Variants in JAKMIP3 observed in about 807,000 individuals in gnomAD.
JAKMIP3 encodes the protein Janus kinase and microtubule interacting protein 3.
Under a neutral mutation model 118.5 loss-of-function variants are expected in JAKMIP3, and 58 were observed. That is an observed-to-expected ratio of 0.49 (90% CI 0.40 to 0.61). The LOEUF is 0.61. JAKMIP3 is among the 20% of genes least tolerant of loss of function. The pLI, the probability that JAKMIP3 is intolerant of heterozygous loss-of-function variation, is 0.00. For missense variants in JAKMIP3, 950 were observed against 1,109.0 expected (o/e 0.86, Z 2.04); for synonymous variants, 486 against 451.2 (o/e 1.08, Z -0.98).
chr10:132,169,531 C>T (rs1211546637), intron 23 of JAKMIP3, among the ~76,000 whole-genome samples: 1 of 152,150 alleles, frequency 6.6e-6, no homozygotes, highest in Non-Finnish European at 1.5e-5. Flanking sequence ...CTTTCCTCGC[C>T]AGCGGGGTTC....
intron 6 of JAKMIP3, 34 bp from the exon 7 acceptor site, chr10:132,136,985 C>A (rs1287373369): frequency 6.2e-7 from 1 of 1,604,664 alleles, no homozygotes; most frequent in African/African-American, 1.3e-5. Context: ...CCCTTCACTC[C>A]CCAACTTGTG....
chr10:132,075,699 C>T (rs2134079736), intron 1 of JAKMIP3, among the ~76,000 whole-genome samples: 1 of 152,262 alleles, frequency 6.6e-6, no homozygotes, highest in East Asian at 1.9e-4. Flanking sequence ...TACACCACGC[C>T]CTGCCTCAGA....
intron 1 of JAKMIP3, among the ~76,000 whole-genome samples, chr10:132,071,812 CCTTT>C (rs1343281883): frequency 2.7e-5 from 2 of 73,910 alleles, no homozygotes; most frequent in Non-Finnish European, 5.8e-5. Flanking sequence ...TCTTTCCTTT[CCTTT>C]CTTTTCTTTC....
chr10:132,058,927 C>A (rs2133840323), intron 1 of JAKMIP3, among the ~76,000 whole-genome samples: 1 of 152,362 alleles, frequency 6.6e-6, no homozygotes, highest in East Asian at 1.9e-4. Context: ...GCTCCTTGGT[C>A]ATCCTTCGCA....
upstream of JAKMIP3, among the ~76,000 whole-genome samples, chr10:132,060,839 G>A (rs1252068293): frequency 6.6e-6 from 1 of 152,112 alleles, no homozygotes; most frequent in African/African-American, 2.4e-5. Context: ...GGCCAACATG[G>A]TGAAACTCCG....
In JAKMIP3 at chr10:132,149,529, GC is replaced by G. The variant is rs766030981; in HGVS notation, c.1947+22del. Reference sequence around the variant, plus strand: ...TGTGACGGTGAGTCCCGCCCCTCCTGCCCACTCCGCCCCCACCTCACCCATC... The same window carrying G: ...TGTGACGGTGAGTCCCGCCCCTCCTGCCACTCCGCCCCCACCTCACCCATC... On this transcript the variant is annotated intron_variant, in intron 15 of 23. Transcript: ENST00000684848. 13 of 1,210,136 alleles carry G rather than the reference GC, an allele frequency of 1.1e-5. No homozygotes were observed. The Admixed American group carries it at 3.7e-4, about 34-fold the overall frequency. The allele number at this position is 1,210,136 out of a possible 1,614,324, so 75.0% of individuals were successfully genotyped here. A position where few individuals can be genotyped will look rare whatever the true frequency, so the allele number is the denominator to read the frequency against.
At chr10:132,111,159 G>A (rs1404134719) in intron 2 of JAKMIP3, among the ~76,000 whole-genome samples, 1 of 152,242 alleles carries the variant, frequency 6.6e-6, no homozygotes, top group African/African-American at 2.4e-5. Context: ...CCTGCCTAGA[G>A]GTGGGAGACG....
chr10:132,153,716 G>T, intron 17 of JAKMIP3, 43 bp from the exon 18 acceptor site: 2 of 1,593,676 alleles, frequency 1.3e-6, no homozygotes, highest in Non-Finnish European at 1.7e-6. Context: ...CCGGGGTGGG[G>T]GACCCTAGGG....
chr10:132,106,669 C>T (rs2379229), intron 2 of JAKMIP3, among the ~76,000 whole-genome samples: 33,984 of 152,166 alleles, frequency 0.22, 4,289 homozygotes, highest in African/African-American at 0.35. Flanking sequence ...CAACAAGGCC[C>T]AGAGGCCCCG....
At chr10:132,143,146 G>GT (rs2053894945) in intron 11 of JAKMIP3, among the ~76,000 whole-genome samples, 1 of 150,474 alleles carries the variant, frequency 6.6e-6, no homozygotes, top group Non-Finnish European at 1.5e-5. Flanking sequence ...CTGAGTCGGG[G>GT]TGGGGGGGGC....
intron 1 of JAKMIP3, among the ~76,000 whole-genome samples, chr10:132,102,495 A>C (rs1048789977): frequency 6.6e-6 from 1 of 152,226 alleles, no homozygotes; most frequent in South Asian, 2.1e-4. Context: ...CAGAGCTGAC[A>C]TCCACCCTGC....
intron 2 of JAKMIP3, among the ~76,000 whole-genome samples, chr10:132,106,449 C>T (rs1009250444): frequency 2.0e-5 from 3 of 152,196 alleles, no homozygotes; most frequent in African/African-American, 7.2e-5. Context: ...CTGGCCCCGC[C>T]CCCGTTCCTC....
At chr10:132,170,684 A>G (rs1310961960) in intron 23 of JAKMIP3, among the ~76,000 whole-genome samples, 1 of 152,082 alleles carries the variant, frequency 6.6e-6, no homozygotes, top group Non-Finnish European at 1.5e-5. Context: ...GACAGGCCAC[A>G]CCGTCATCAG....
intron 1 of JAKMIP3, among the ~76,000 whole-genome samples, chr10:132,040,543 A>AT (rs1054008598): frequency 6.6e-5 from 10 of 151,844 alleles, no homozygotes; most frequent in East Asian, 1.9e-4. Flanking sequence ...ATTCATGAGC[A>AT]TTTTTTTACT....
intron 23 of JAKMIP3, among the ~76,000 whole-genome samples, chr10:132,175,787 A>G (rs1042305711): frequency 1.3e-5 from 2 of 152,230 alleles, no homozygotes; most frequent in Admixed American, 6.5e-5. Flanking sequence ...GGATGTATCC[A>G]CAGTTCATGG....
Position 132,080,729 on chromosome 10 carries a change from G to A in JAKMIP3, c.-138+14668G>A, listed in dbSNP as rs141577328. 7.2e-3 allele frequency among the ~76,000 whole-genome samples: 1,089 copies of A among 151,324 alleles called. 5 individuals are homozygous for A. Among genetic ancestry groups the A allele is most frequent in the Non-Finnish European group, 0.012 (781 of 67,818 alleles). On this transcript the variant is annotated intron_variant, in intron 1 of 23. Transcript: ENST00000684848. ...GTGACAAGGTTTCACCATGTTGACC[G>A]GGCTGGTCTCGAACTCCCAACCTCA...
intron 23 of JAKMIP3, among the ~76,000 whole-genome samples, chr10:132,176,009 G>A (rs2060105823): frequency 6.6e-6 from 1 of 152,266 alleles, no homozygotes. Flanking sequence ...GCTGGGGGAA[G>A]CGCCCCTCCC....
intron 1 of JAKMIP3, among the ~76,000 whole-genome samples, chr10:132,076,562 A>G (rs1386912166): frequency 2.6e-5 from 4 of 152,140 alleles, no homozygotes; most frequent in South Asian, 2.1e-4. Flanking sequence ...CCCAGTTCCA[A>G]TGGTGTGAGG....
intron 1 of JAKMIP3, among the ~76,000 whole-genome samples, chr10:132,100,794 ACCCCGGCCGCGCT>A (rs1391272323): frequency 4.1e-5 from 6 of 144,754 alleles, no homozygotes; most frequent in African/African-American, 1.5e-4. Context: ...GGCATGAGGA[ACCCCGGCCGCGCT>A]CCCCATTCTC....
Sources: allele counts gnomAD v4.1 joint callset (sites outside exome capture counted in the v4.1 genomes callset), GRCh38; gene constraint gnomAD v4.1.1; transcripts MANE v1.5; gene names NCBI Gene and HGNC (gene_info 2026-07-23, HGNC 2026-07-21).